RNF138: variants seen among roughly 807,000 people sequenced by gnomAD.
The protein encoded by RNF138 is E3 ubiquitin-protein ligase RNF138.
RNF138 carries 12 observed loss-of-function variants against 31.0 expected under a neutral mutation model. That is an observed-to-expected ratio of 0.39 (90% CI 0.25 to 0.63). RNF138 has a LOEUF of 0.63. RNF138 is among the 20% of genes least tolerant of loss of function. The pLI is 0.52. For missense variants in RNF138, 192 were observed against 300.1 expected, an observed-to-expected ratio of 0.64 and a Z score of 2.66; for synonymous variants, 105 against 99.5, an observed-to-expected ratio of 1.06 and a Z score of -0.33.
chr18:32,112,595 T>C (rs2040149718), intron 3 of RNF138, among the ~76,000 whole-genome samples: 1 of 152,172 alleles, frequency 6.6e-6, no homozygotes, highest in African/African-American at 2.4e-5. Context: ...TGAGGCAGAA[T>C]TGTTTGAACC....
chr18:32,104,822 C>T (rs1304976700), intron 2 of RNF138, among the ~76,000 whole-genome samples: 1 of 152,148 alleles, frequency 6.6e-6, no homozygotes, highest in African/African-American at 2.4e-5. Flanking sequence ...TTTCTCCACA[C>T]AGTTCTAAAC....
At chr18:32,107,851 T>A (rs1192858229) in intron 2 of RNF138, among the ~76,000 whole-genome samples, 1 of 151,892 alleles carries the variant, frequency 6.6e-6, no homozygotes, top group Non-Finnish European at 1.5e-5. Flanking sequence ...TTAATATAAC[T>A]ACCCTTGTTT....
chr18:32,105,095 C>CT (rs2040006991), intron 2 of RNF138, among the ~76,000 whole-genome samples: 1 of 151,882 alleles, frequency 6.6e-6, no homozygotes, highest in African/African-American at 2.4e-5. Context: ...AAATCATATG[C>CT]TTTTTTCTCT....
chr18:32,120,210 T>A (rs1386345546), intron 4 of RNF138, among the ~76,000 whole-genome samples: 1 of 152,176 alleles, frequency 6.6e-6, no homozygotes, highest in Non-Finnish European at 1.5e-5. Flanking sequence ...AGTTTTACAG[T>A]TTATCTGCCC....
At chr18:32,112,444 G>A (rs182791439) in intron 3 of RNF138, among the ~76,000 whole-genome samples, 244 of 152,310 alleles carry the variant, frequency 1.6e-3, no homozygotes, top group African/African-American at 5.7e-3. Flanking sequence ...CAGCACTTAT[G>A]GGAGGCCAAG....
chr18:32,124,736 C>T lies in RNF138; in HGVS notation c.452C>T (p.Ser151Phe), dbSNP rs1211908053. The T allele has an allele frequency of 6.7e-6, 10 of 1,500,930 alleles. No individual in the cohort carries two copies. Among genetic ancestry groups the T allele is most frequent in the Admixed American group, 1.7e-5 (1 of 59,762 alleles). The allele number at this position is 1,500,930 out of a possible 1,614,324, so 93.0% of individuals were successfully genotyped here. A position where few individuals can be genotyped will look rare whatever the true frequency, so the allele number is the denominator to read the frequency against. ...TTTCACTTAAAATTGTTTTATAGTT[C>T]TTCTGGTCATCCTACTTTTAAGTGT... ...NTETYQENTSSSGHPTFKCPL... is the reference protein window; with the variant it reads ...NTETYQENTSFSGHPTFKCPL... Residue 151 changes from serine (S) to phenylalanine (F), a missense_variant and splice_region_variant, in exon 6 of 8, where the codon TCT (serine) becomes TTT (phenylalanine). Physicochemically the swap from Ser to Phe is radical, Grantham distance 155. This residue lies in a region of RNF138 where 140 missense variants were observed against 251.7 expected (regional missense o/e 0.56). Coordinates refer to ENST00000261593, the MANE Select transcript of RNF138 (RefSeq NM_016271.5).
intron 4 of RNF138, among the ~76,000 whole-genome samples, chr18:32,121,148 C>A (rs7505481): frequency 8.5e-4 from 117 of 137,404 alleles, no homozygotes; most frequent in African/African-American, 3.0e-3. Flanking sequence ...AAAAACAAAA[C>A]AAAAAAAAAG....
chr18:32,113,725 C>T lies in RNF138; in HGVS notation c.277-20C>T. ...ACGAGTTCTATTTTAAATTAAAAGT[C>T]ACATTTTAATAATTTACAGATTAAA... On this transcript the variant is annotated intron_variant, in intron 3 of 7. Coordinates refer to ENST00000261593, the MANE Select transcript of RNF138 (RefSeq NM_016271.5). 9.0e-7 allele frequency: 1 copy of T among 1,115,510 alleles called. No individual in the cohort carries two copies. The highest frequency in any genetic ancestry group is 1.3e-6 in the Non-Finnish European group (1 of 781,980). 69.1% of individuals were successfully genotyped at this position (1,115,510 alleles called of 1,614,324 possible). A position where few individuals can be genotyped will look rare whatever the true frequency, so the allele number is the denominator to read the frequency against.
intron 2 of RNF138, among the ~76,000 whole-genome samples, chr18:32,101,426 T>A (rs535889343): frequency 1.4e-3 from 220 of 152,078 alleles, no homozygotes; most frequent in Admixed American, 2.6e-3. Flanking sequence ...AGAGTCAGGG[T>A]TTCACCATGT....
intron 2 of RNF138, among the ~76,000 whole-genome samples, chr18:32,102,079 C>T (rs190012101): frequency 1.8e-3 from 260 of 146,970 alleles, no homozygotes; most frequent in African/African-American, 5.8e-3. Flanking sequence ...GAGGAGGTCT[C>T]GCTGTGTTAC....
At chr18:32,107,546 A>G (rs2040055208) in intron 2 of RNF138, among the ~76,000 whole-genome samples, 1 of 150,510 alleles carries the variant, frequency 6.6e-6, no homozygotes, top group Admixed American at 6.7e-5. Flanking sequence ...TTTGAGATGG[A>G]GTCTCACCCT....
intron 4 of RNF138, among the ~76,000 whole-genome samples, chr18:32,115,441 G>A (rs1032573306): frequency 7.9e-5 from 12 of 152,018 alleles, no homozygotes; most frequent in African/African-American, 2.9e-4. Flanking sequence ...TAATATTAAT[G>A]AAGTATAAAA....
At chr18:32,119,588 T>TAA (rs1038318052) in intron 4 of RNF138, among the ~76,000 whole-genome samples, 26 of 152,260 alleles carry the variant, frequency 1.7e-4, no homozygotes, top group African/African-American at 6.3e-4. Flanking sequence ...CACGCCTGGC[T>TAA]AATTTTTGTA....
At chr18:32,118,690 G>T (rs531595384) in intron 4 of RNF138, among the ~76,000 whole-genome samples, 1 of 152,024 alleles carries the variant, frequency 6.6e-6, no homozygotes, top group East Asian at 1.9e-4. Context: ...TTAGCTGGGC[G>T]TGGTGGTGCG....
chr18:32,093,376 C>G (rs1340480256), intron 2 of RNF138, among the ~76,000 whole-genome samples: 3 of 152,238 alleles, frequency 2.0e-5, no homozygotes, highest in African/African-American at 4.8e-5. Flanking sequence ...CAAGTTTCCT[C>G]TTTCAGAACC....
At chr18:32,095,156 G>A (rs571437747) in intron 2 of RNF138, among the ~76,000 whole-genome samples, 19 of 138,856 alleles carry the variant, frequency 1.4e-4, no homozygotes, top group Non-Finnish European at 2.5e-4. Flanking sequence ...GGGGGAATTG[G>A]AGAGAAATTT....
chr18:32,118,868 A>G (rs1221763040), intron 4 of RNF138, among the ~76,000 whole-genome samples: 2 of 152,104 alleles, frequency 1.3e-5, no homozygotes, highest in Non-Finnish European at 2.9e-5. Flanking sequence ...ATAATCCTTC[A>G]TTACATGCAT....
Position 32,092,680 on chromosome 18 carries a change from C to A in RNF138, c.-77-20C>A, listed in dbSNP as rs1403441972. On this transcript the variant is annotated intron_variant, in intron 1 of 7. Transcript: ENST00000261593. ...GCTGTATCCTGATGCGATCCCCCTC[C>A]CCCCTCCGGGTTCATGTAGGGAGTC... 1 of 726,030 alleles carries A rather than the reference C, an allele frequency of 1.4e-6. No individual in the cohort carries two copies. The highest frequency in any genetic ancestry group is 2.4e-6 in the Non-Finnish European group (1 of 411,958). The allele number at this position is 726,030 out of a possible 1,614,324, so 45.0% of individuals were successfully genotyped here. A position where few individuals can be genotyped will look rare whatever the true frequency, so the allele number is the denominator to read the frequency against.
intron 3 of RNF138, among the ~76,000 whole-genome samples, chr18:32,112,562 A>C (rs992881557): frequency 3.3e-5 from 5 of 152,150 alleles, no homozygotes; most frequent in African/African-American, 1.2e-4. Context: ...GCGCATGCCT[A>C]TAATCCCAGC....
Sources: allele counts gnomAD v4.1 joint callset (sites outside exome capture counted in the v4.1 genomes callset), GRCh38; gene constraint gnomAD v4.1.1; regional missense constraint gnomAD v4.1.1; transcripts MANE v1.5; gene names NCBI Gene and HGNC (gene_info 2026-07-23, HGNC 2026-07-21).